Variants in EPHA6 observed in about 807,000 individuals in gnomAD.
The protein encoded by EPHA6 is ephrin type-A receptor 6.
A neutral mutation model predicts 112.0 loss-of-function variants in EPHA6; 50 were observed. The ratio of observed to expected loss-of-function variants is 0.45; its 90% CI spans 0.36 to 0.56. The LOEUF (loss-of-function observed/expected upper bound fraction) is 0.56, where lower values mean the gene tolerates loss of function less well. EPHA6 is among the 20% of genes least tolerant of loss of function. The pLI is 0.00. For synonymous variants in EPHA6, 529 were observed against 490.7 expected (o/e 1.08, Z -1.03); for missense variants, 1,280 against 1,417.4 (o/e 0.90, Z 1.56).
intron 3 of EPHA6, among the ~76,000 whole-genome samples, chr3:97,065,105 C>G (rs1037354334): frequency 2.0e-5 from 3 of 152,094 alleles, no homozygotes; most frequent in South Asian, 2.1e-4. Flanking sequence ...ATTCTTTGAA[C>G]TAATGGGCCT....
At chr3:97,718,882 A>T (rs1249679532) in intron 14 of EPHA6, among the ~76,000 whole-genome samples, 1 of 152,108 alleles carries the variant, frequency 6.6e-6, no homozygotes, top group African/African-American at 2.4e-5. Context: ...TATGGTGAGA[A>T]ATTTCTAAAC....
chr3:97,185,233 A>G (rs2077094101), intron 3 of EPHA6, among the ~76,000 whole-genome samples: 2 of 152,220 alleles, frequency 1.3e-5, no homozygotes, highest in South Asian at 4.1e-4. Flanking sequence ...ATTAAACTAA[A>G]GAGCTTCTGC....
intron 5 of EPHA6, among the ~76,000 whole-genome samples, chr3:97,251,861 T>C (rs2079152129): frequency 2.0e-5 from 3 of 152,322 alleles, no homozygotes; most frequent in South Asian, 4.1e-4. Flanking sequence ...TAAAATACAG[T>C]GCTCTTTCTT....
At chr3:96,909,132 T>C (rs1035411033) in intron 2 of EPHA6, among the ~76,000 whole-genome samples, 5 of 151,980 alleles carry the variant, frequency 3.3e-5, no homozygotes, top group South Asian at 2.1e-4. Context: ...TTTCTCCTTA[T>C]ATTAAAAATC....
chr3:97,096,237 A>T (rs953875468), intron 3 of EPHA6, among the ~76,000 whole-genome samples: 2 of 146,390 alleles, frequency 1.4e-5, no homozygotes, highest in African/African-American at 5.1e-5. Flanking sequence ...GGAAATATAT[A>T]TATATATACA....
chr3:97,034,099 A>G (rs2044987721), intron 3 of EPHA6, among the ~76,000 whole-genome samples: 1 of 151,978 alleles, frequency 6.6e-6, no homozygotes, highest in African/African-American at 2.4e-5. Flanking sequence ...CTAATTGGGA[A>G]TATAACTTTA....
At chr3:97,053,094 G>A (rs577736419) in intron 3 of EPHA6, among the ~76,000 whole-genome samples, 16 of 152,148 alleles carry the variant, frequency 1.1e-4, no homozygotes, top group East Asian at 3.9e-4. Context: ...TTAATTAAGC[G>A]ACTTATATAG....
At chr3:97,622,992 G>A (rs559575370) in intron 13 of EPHA6, among the ~76,000 whole-genome samples, 1 of 151,658 alleles carries the variant, frequency 6.6e-6, no homozygotes, top group South Asian at 2.1e-4. Flanking sequence ...CTCTATATAG[G>A]ATGGATACTA....
intron 3 of EPHA6, among the ~76,000 whole-genome samples, chr3:97,214,038 T>TGTGTGTGTGTGTGTGTGTGA (rs1491420279): frequency 1.3e-5 from 1 of 77,784 alleles, no homozygotes; most frequent in Admixed American, 1.1e-4. Context: ...TGTGTGTGTG[T>TGTGTGTGTGTGTGTGTGTGA]GAGAGAGAGA....
chr3:97,033,274 G>T (rs1357523578), intron 3 of EPHA6, among the ~76,000 whole-genome samples: 1 of 151,934 alleles, frequency 6.6e-6, no homozygotes, highest in African/African-American at 2.4e-5. Context: ...AGCATTCTAA[G>T]TGTGTACTGA....
chr3:96,963,164 A>AAG (rs1334072526), intron 2 of EPHA6, among the ~76,000 whole-genome samples: 1 of 150,908 alleles, frequency 6.6e-6, no homozygotes, highest in African/African-American at 2.4e-5. Flanking sequence ...TGCATCCAAA[A>AAG]AAAAAAAAAA....
chr3:97,044,470 A>G (rs910355374), intron 3 of EPHA6, among the ~76,000 whole-genome samples: 5 of 152,140 alleles, frequency 3.3e-5, no homozygotes, highest in Non-Finnish European at 5.9e-5. Flanking sequence ...TTATCCTACA[A>G]CTTTCTTAAG....
intron 14 of EPHA6, among the ~76,000 whole-genome samples, chr3:97,654,722 A>G (rs895782336): frequency 2.0e-5 from 3 of 151,916 alleles, no homozygotes; most frequent in African/African-American, 7.2e-5. Flanking sequence ...CTAGTAATAA[A>G]GCCAGGATGG....
At chr3:97,688,576 G>A (rs1211975308) in intron 14 of EPHA6, among the ~76,000 whole-genome samples, 1 of 115,404 alleles carries the variant, frequency 8.7e-6, no homozygotes, top group Non-Finnish European at 1.7e-5. Context: ...GGCCTGTCAT[G>A]GGGTGGGGGG....
intron 14 of EPHA6, among the ~76,000 whole-genome samples, chr3:97,686,002 T>C (rs2032221179): frequency 6.6e-6 from 1 of 152,180 alleles, no homozygotes; most frequent in South Asian, 2.1e-4. Flanking sequence ...CATTATATTC[T>C]TGGTGAGAAA....
At chr3:97,067,414 T>C (rs2046210611) in intron 3 of EPHA6, among the ~76,000 whole-genome samples, 2 of 152,030 alleles carry the variant, frequency 1.3e-5, no homozygotes, top group African/African-American at 4.8e-5. Flanking sequence ...ATGAGAGATA[T>C]ATAAAGATTG....
At chr3:97,108,493 A>G (rs995137002) in intron 3 of EPHA6, among the ~76,000 whole-genome samples, 2 of 152,166 alleles carry the variant, frequency 1.3e-5, no homozygotes, top group Admixed American at 6.6e-5. Context: ...AGGCATTGCC[A>G]AGGAAAGTAC....
intron 1 of EPHA6, among the ~76,000 whole-genome samples, chr3:96,841,929 A>G (rs1456504599): frequency 6.6e-6 from 1 of 152,134 alleles, no homozygotes; most frequent in Non-Finnish European, 1.5e-5. Flanking sequence ...ACCACTGTTG[A>G]AATTAATTCT....
At chr3:97,309,228 T>G (rs1053533321) in intron 5 of EPHA6, among the ~76,000 whole-genome samples, 1 of 151,660 alleles carries the variant, frequency 6.6e-6, no homozygotes, top group African/African-American at 2.4e-5. Flanking sequence ...TATAGACACA[T>G]AAAAATAACA....
Sources: gnomAD v4.1 joint callset for allele counts (sites outside exome capture counted in the v4.1 genomes callset) on GRCh38, gnomAD v4.1.1 for gene constraint, MANE v1.5 for transcripts, NCBI Gene and HGNC (gene_info 2026-07-23, HGNC 2026-07-21) for gene names.